The following FANCA variants were observed in gnomAD, a reference collection of about 807,000 sequenced individuals.
The protein encoded by FANCA is FA complementation group A.
Under a neutral mutation model 194.3 loss-of-function variants are expected in FANCA, and 236 were observed. That is an observed-to-expected ratio of 1.21 (90% CI 1.09 to 1.35). The LOEUF (loss-of-function observed/expected upper bound fraction) is 1.35, where lower values mean the gene tolerates loss of function less well. Among genes scored for constraint, FANCA ranks in the 40% most tolerant of loss-of-function variants. The pLI is 0.00. For missense variants in FANCA, 2,628 were observed against 1,813.9 expected (o/e 1.45, Z -8.15); for synonymous variants, 1,014 against 715.8 (o/e 1.42, Z -6.65).
intron 36 of FANCA, among the ~76,000 whole-genome samples, chr16:89,743,576 C>G (rs1456698942): frequency 6.6e-6 from 1 of 152,212 alleles, no homozygotes; most frequent in Admixed American, 6.5e-5. Context: ...GTAATCCCAG[C>G]ACTTTGGGAG....
intron 12 of FANCA, 108 bp from the exon 13 acceptor site, chr16:89,792,176 A>G: frequency 7.8e-7 from 1 of 1,286,588 alleles, no homozygotes; most frequent in Non-Finnish European, 1.1e-6. Context: ...CTCACTTCCC[A>G]CTGCAAAGGT....
Position 89,799,201 on chromosome 16 carries a change from C to T in FANCA, c.858G>A (p.Gln286=). The change falls in exon 10 of 43, where the codon CAG becomes CAA. Residue 286 remains glutamine (Q), a synonymous_variant. Coordinates refer to ENST00000389301, the MANE Select transcript of FANCA (RefSeq NM_000135.4). ...FALDALAAGV[Q]EESSTHKIVR... is the part of the protein sequence containing the mutation. ...CGATCTTGTGAGTGGAGGACTCCTCCTGTACTCCAGCAGCCAAAGCGTCAA... is the reference window on the plus strand; with the variant it reads ...CGATCTTGTGAGTGGAGGACTCCTCTTGTACTCCAGCAGCCAAAGCGTCAA... 1 of 1,614,128 alleles carries T rather than the reference C, an allele frequency of 6.2e-7. No individual in the cohort carries two copies. Among genetic ancestry groups the T allele is most frequent in the Non-Finnish European group, 8.5e-7 (1 of 1,180,028 alleles).
chr16:89,804,601 C>T (rs2040569145), intron 7 of FANCA, among the ~76,000 whole-genome samples: 1 of 152,090 alleles, frequency 6.6e-6, no homozygotes. Flanking sequence ...TCAAGCTGGA[C>T]TCTGGTCCAA....
intron 22 of FANCA, among the ~76,000 whole-genome samples, 173 bp downstream of exon 22, chr16:89,773,098 A>G (rs1015733447): frequency 6.6e-6 from 1 of 152,128 alleles, no homozygotes; most frequent in African/African-American, 2.4e-5. Flanking sequence ...CTAGCCTTCC[A>G]CCTTGTCTCA....
intron 23 of FANCA, among the ~76,000 whole-genome samples, chr16:89,770,869 C>T (rs35154458): frequency 2.0e-5 from 3 of 152,088 alleles, no homozygotes; most frequent in Admixed American, 6.6e-5. Context: ...CAGCAGCAGG[C>T]GGGACTGGCA....
chr16:89,815,737 G>T (rs1161449360), intron 2 of FANCA, 140 bp downstream of exon 2: 4 of 743,854 alleles, frequency 5.4e-6, no homozygotes, highest in Non-Finnish European at 9.8e-6. Context: ...AGAACTCCCG[G>T]GCTCAGGCGA....
intron 8 of FANCA, among the ~76,000 whole-genome samples, 172 bp downstream of exon 8, chr16:89,803,087 C>T (rs572497912): frequency 1.2e-4 from 18 of 152,276 alleles, no homozygotes; most frequent in African/African-American, 4.3e-4. Context: ...GTGACGGAGA[C>T]TCTAAACACC....
chr16:89,771,777 C>G lies in FANCA; in HGVS notation c.2052G>C (p.Leu684=), dbSNP rs562025330. ...SAQVAVISER[L]RAVLGHNEDD... Reference sequence around the variant, plus strand: ...CCTCATTGTGGCCCAGGACAGCCCTCAGTCTTTCAGAAATCACTGCCACCT... The same window carrying G: ...CCTCATTGTGGCCCAGGACAGCCCTGAGTCTTTCAGAAATCACTGCCACCT... The change falls in exon 23 of 43, where the codon CTG becomes CTC. Residue 684 remains leucine, a synonymous_variant. Coordinates refer to ENST00000389301, the MANE Select transcript of FANCA (RefSeq NM_000135.4). The G allele has an allele frequency of 6.2e-7, 1 of 1,614,088 alleles. No homozygotes were observed. Among genetic ancestry groups the G allele is most frequent in the Non-Finnish European group, 8.5e-7 (1 of 1,180,040 alleles).
At chr16:89,754,351 T>C (rs371186888) in intron 30 of FANCA, among the ~76,000 whole-genome samples, 117 of 152,302 alleles carry the variant, frequency 7.7e-4, no homozygotes, top group African/African-American at 2.7e-3. Flanking sequence ...CTATCTCTCT[T>C]CACATATTAT....
Position 89,740,826 on chromosome 16 carries a change from A to G in FANCA, c.3806T>C (p.Leu1269Pro). 6.2e-7 allele frequency: 1 copy of G among 1,613,772 alleles called. No homozygotes were observed. Among genetic ancestry groups the G allele is most frequent in the East Asian group, 2.2e-5 (1 of 44,876 alleles). The change falls in exon 38 of 43, where the codon CTG (leucine) becomes CCG (proline). Residue 1269 changes from leucine (L) to proline (P), a missense_variant. Coordinates refer to ENST00000389301, the MANE Select transcript of FANCA (RefSeq NM_000135.4). ...TACATTTGAGGTCAGATGTGACGAC[A>G]GCAGGCCCATCAAGGAGAAGAAGAA... is the stretch of plus-strand genomic sequence containing the variant. Reference protein sequence around the residue: ...FLFFFSLMGLLSSHLTSNSTT... With the variant: ...FLFFFSLMGLPSSHLTSNSTT...
At chr16:89,743,298 C>T (rs891306207) in intron 36 of FANCA, among the ~76,000 whole-genome samples, 1 of 152,244 alleles carries the variant, frequency 6.6e-6, no homozygotes, top group African/African-American at 2.4e-5. Flanking sequence ...CAGGCATTCC[C>T]TCCTACAACA....
rs761957732 is a variant in FANCA at position 89,784,900 on chromosome 16, G to A, written c.1424C>T (p.Thr475Met). ...CSKKALVFLF[T>M]FLSELVPFES... ...AAAAGGCACGAGTTCTGACAAGAAC[G>A]TAAACAGGAAGACCAGGGCCTTCTT... Residue 475 changes from threonine to methionine, a missense_variant, in exon 15 of 43, where the codon ACG becomes ATG. Coordinates refer to ENST00000389301, the MANE Select transcript of FANCA (RefSeq NM_000135.4). 1.8e-5 allele frequency: 29 copies of A among 1,614,042 alleles called. No individual in the cohort carries two copies. The highest frequency in any genetic ancestry group is 2.1e-5 in the Non-Finnish European group (25 of 1,180,024).
chr16:89,744,877 G>T, intron 36 of FANCA, 82 bp downstream of exon 36: 1 of 1,293,750 alleles, frequency 7.7e-7, no homozygotes. Flanking sequence ...TCTCAAGCAA[G>T]CCAGGGTGTT....
chr16:89,746,410 C>A (rs964586574), intron 35 of FANCA, among the ~76,000 whole-genome samples, 174 bp downstream of exon 35: 1 of 151,974 alleles, frequency 6.6e-6, no homozygotes, highest in African/African-American at 2.4e-5. Context: ...TCAGGATGTG[C>A]GGCCCTCATC....
intron 8 of FANCA, among the ~76,000 whole-genome samples, chr16:89,800,288 G>T: frequency 6.6e-6 from 1 of 152,182 alleles, no homozygotes; most frequent in African/African-American, 2.4e-5. Context: ...GCCAGAAGAC[G>T]GTGAGAAGGT....
At chr16:89,763,455 C>T (rs117555146) in intron 28 of FANCA, among the ~76,000 whole-genome samples, 2,670 of 151,690 alleles carry the variant, frequency 0.018, 56 homozygotes, top group East Asian at 0.068. Context: ...GGATTATAGG[C>T]ATGAGCCACT....
chr16:89,758,730 A>C (rs201129946), intron 29 of FANCA, 25 bp from the exon 30 acceptor site: 1 of 1,612,060 alleles, frequency 6.2e-7, no homozygotes, highest in Non-Finnish European at 8.5e-7. Flanking sequence ...ACTGCTATCA[A>C]TTCTGAGAAA....
At chr16:89,759,723 T>C (rs558511810) in intron 29 of FANCA, among the ~76,000 whole-genome samples, 1 of 152,322 alleles carries the variant, frequency 6.6e-6, no homozygotes, top group South Asian at 2.1e-4. Context: ...AGTGCATCAC[T>C]GTACTCCATC....
At chr16:89,805,961 G>A (rs1052235667) in intron 6 of FANCA, among the ~76,000 whole-genome samples, 5 of 151,724 alleles carry the variant, frequency 3.3e-5, no homozygotes, top group Non-Finnish European at 7.4e-5. Flanking sequence ...CATCCAGGCT[G>A]GAGTGCAATG....
Sources: gnomAD v4.1 joint callset for allele counts (sites outside exome capture counted in the v4.1 genomes callset) on GRCh38, gnomAD v4.1.1 for gene constraint, MANE v1.5 for transcripts, NCBI Gene and HGNC (gene_info 2026-07-23, HGNC 2026-07-21) for gene names.